The following MICAL3 variants were observed in gnomAD, a reference collection of about 807,000 sequenced individuals.
The protein encoded by MICAL3 is microtubule associated monooxygenase, calponin and LIM domain containing 3.
Under a neutral mutation model 207.4 loss-of-function variants are expected in MICAL3, and 62 were observed. The ratio of observed to expected loss-of-function variants is 0.30; its 90% confidence interval spans 0.24 to 0.37. The LOEUF (loss-of-function observed/expected upper bound fraction) is 0.37, where lower values mean the gene tolerates loss of function less well. Ranked by LOEUF, MICAL3 falls within the 10% of genes least tolerant of loss-of-function variation. MICAL3 has a pLI of 1.00. For synonymous variants in MICAL3, 1,077 were observed against 1,069.3 expected (o/e 1.01, Z -0.14); for missense variants, 2,368 against 2,635.6 (o/e 0.90, Z 2.22).
chr22:17,817,544 C>T lies in MICAL3; in HGVS notation c.5117G>A (p.Arg1706His), dbSNP rs747330184. The change falls in exon 26 of 32, where the codon CGC becomes CAC. Residue 1706 changes from arginine to histidine, a missense_variant. Around this residue, in one of 4 missense-constraint regions of MICAL3, gnomAD observed 1,770 missense variants for 1,863.2 expected, o/e 0.95. Transcript: ENST00000441493. The part of the protein sequence containing the change: ...SKKRSSLFSP[R>H]RNKKEKKSKG... The stretch of plus-strand genomic sequence containing the variant: ...GGACTTCTTCTCCTTCTTGTTTCTG[C>T]GGGGGGAGAAGAGTGACGACCTCTT... The T allele has an allele frequency of 3.3e-5, 54 of 1,613,194 alleles. No individual in the cohort carries two copies. Among genetic ancestry groups the T allele is most frequent in the Middle Eastern group, 3.3e-4 (2 of 6,084 alleles).
At chr22:17,977,866 T>C (rs778438401) in intron 1 of MICAL3, among the ~76,000 whole-genome samples, 4 of 151,600 alleles carry the variant, frequency 2.6e-5, no homozygotes, top group Non-Finnish European at 4.4e-5. Context: ...TCTATAAAAA[T>C]ACAAAATTAG....
chr22:17,943,383 C>T (rs988732613), intron 1 of MICAL3, among the ~76,000 whole-genome samples: 5 of 152,218 alleles, frequency 3.3e-5, no homozygotes, highest in Middle Eastern at 3.4e-3. Context: ...AGGCTGGCCT[C>T]GAACTCCTGA....
At chr22:17,842,511 CTGA>C (rs1924128035) in intron 19 of MICAL3, 1 of 170,368 alleles carries the variant, frequency 5.9e-6, no homozygotes, top group South Asian at 1.6e-4. Flanking sequence ...GGCCAGCTGC[CTGA>C]AGAACGTCTC....
intron 29 of MICAL3, among the ~76,000 whole-genome samples, chr22:17,808,593 C>T (rs990996638): frequency 6.6e-6 from 1 of 152,184 alleles, no homozygotes; most frequent in African/African-American, 2.4e-5. Flanking sequence ...CATCAGCATG[C>T]CGGGGACTGA....
At chr22:17,895,706 C>T (rs1479358080) in intron 9 of MICAL3, among the ~76,000 whole-genome samples, 1 of 152,040 alleles carries the variant, frequency 6.6e-6, no homozygotes, top group Non-Finnish European at 1.5e-5. Context: ...TTTTTTCAAG[C>T]ATCCCAATAT....
intron 1 of MICAL3, chr22:18,001,069 C>T (rs1250001673): frequency 3.3e-5 from 5 of 152,350 alleles, no homozygotes; most frequent in East Asian, 3.9e-4. Context: ...TGCCCCGGAA[C>T]TCAGGACCAG....
intron 19 of MICAL3, chr22:17,861,884 A>G (rs1323214695): frequency 1.0e-6 from 1 of 985,342 alleles, no homozygotes; most frequent in Non-Finnish European, 1.2e-6. Context: ...AAGCCGACCT[A>G]GAGTGGTTCT....
At chr22:17,930,711 T>C (rs1322339596) in intron 1 of MICAL3, among the ~76,000 whole-genome samples, 1 of 152,232 alleles carries the variant, frequency 6.6e-6, no homozygotes, top group East Asian at 1.9e-4. Context: ...AGCTGGGAAC[T>C]GTCTCCCAGG....
intron 1 of MICAL3, among the ~76,000 whole-genome samples, chr22:17,925,694 T>C (rs1380759466): frequency 6.6e-6 from 1 of 152,268 alleles, no homozygotes; most frequent in East Asian, 1.9e-4. Flanking sequence ...TTGAGAATAG[T>C]GCTTCTCAAA....
At chr22:17,860,506 G>C in intron 19 of MICAL3, 1 of 985,458 alleles carries the variant, frequency 1.0e-6, no homozygotes, top group Non-Finnish European at 1.2e-6. Flanking sequence ...TGAACCCCTT[G>C]GTGCCCTGCT....
At chr22:17,840,659 G>C (rs1923919192) in intron 20 of MICAL3, 1 of 152,264 alleles carries the variant, frequency 6.6e-6, no homozygotes, top group African/African-American at 2.4e-5. Context: ...CTCTGCTCAA[G>C]GGTTTATAAA....
Position 17,896,959 on chromosome 22 carries a change from A to G in MICAL3, c.971T>C (p.Leu324Pro). 1 of 1,613,696 alleles carries G rather than the reference A, an allele frequency of 6.2e-7. No homozygotes were observed. The highest frequency in any genetic ancestry group is 8.5e-7 in the Non-Finnish European group (1 of 1,179,798). The part of the protein sequence containing the change: ...ILHDYADTEL[L>P]LSRENVDQEA... ...CTGGTCCACGTTTTCTCGGGAAAGC[A>G]GGAGCTCTGTGTCGGCGTAGTCCTG... Residue 324 changes from leucine to proline, a missense_variant, in exon 8 of 32, where the codon CTG (leucine) becomes CCG (proline). This residue lies in a region of MICAL3 where 400 missense variants were observed against 547.0 expected (regional missense o/e 0.73). Transcript: ENST00000441493.
At position 17,983,010 on chromosome 22, in the gene MICAL3, G is replaced by C. The variant is rs920046355; in HGVS notation, c.-75+41271C>G. On this transcript the variant is annotated intron_variant, in intron 1 of 31. Transcript: ENST00000441493. Reference sequence around the variant, plus strand: ...TCAGAAACGAAGGACCTTGGGCTGAGGCCACAGCCTGGGAATGCCTCTGGG... The same window carrying C: ...TCAGAAACGAAGGACCTTGGGCTGACGCCACAGCCTGGGAATGCCTCTGGG... Among the ~76,000 whole-genome samples the C allele has an allele frequency of 1.8e-4, 27 of 152,258 alleles. 1 individual carries two copies. The highest frequency in any genetic ancestry group is 6.5e-4 in the African/African-American group (27 of 41,562).
At position 17,876,802 on chromosome 22, in the gene MICAL3, TGGAGGTTAG is replaced by T. The variant is rs200084891; in HGVS notation, c.2242-4788_2242-4780del. ...GAGGTTAGGGAGGTTAGGGAAGTTA[TGGAGGTTAG>T]GGAGGTTAGGGAGGTTATGGAGGTT... On this transcript the variant is annotated intron_variant, in intron 16 of 31. Coordinates refer to ENST00000441493, the MANE Select transcript of MICAL3 (RefSeq NM_015241.3). 8.4e-4 allele frequency: 46 copies of T among 54,546 alleles called. 1 individual carries two copies. Among genetic ancestry groups the T allele is most frequent in the Middle Eastern group, 0.015 (1 of 68 alleles). 3.4% of individuals were successfully genotyped at this position (54,546 alleles called of 1,614,324 possible).
chr22:17,925,128 T>C (rs1932887075), intron 1 of MICAL3, among the ~76,000 whole-genome samples: 1 of 151,982 alleles, frequency 6.6e-6, no homozygotes, highest in African/African-American at 2.4e-5. Context: ...TCCTGGTAAA[T>C]ATTCCAACCA....
At chr22:17,962,256 G>GACA (rs5844334) in intron 1 of MICAL3, among the ~76,000 whole-genome samples, 30,267 of 152,000 alleles carry the variant, frequency 0.2, 3,126 homozygotes, top group Middle Eastern at 0.26. Context: ...AAGCAAACAT[G>GACA]TCCTCAACTG....
At chr22:17,831,775 A>G in intron 21 of MICAL3, 79 bp downstream of exon 21, 1 of 1,499,848 alleles carries the variant, frequency 6.7e-7, no homozygotes. Flanking sequence ...CGTCAGCCCC[A>G]GAAACCTCTT....
intron 1 of MICAL3, among the ~76,000 whole-genome samples, chr22:17,993,238 G>A (rs1921893527): frequency 7.0e-6 from 1 of 142,852 alleles, no homozygotes; most frequent in African/African-American, 2.7e-5. Context: ...CAGTGATTAG[G>A]ATTCCCAGAT....
intron 16 of MICAL3, among the ~76,000 whole-genome samples, chr22:17,878,143 G>A (rs1290892493): frequency 4.6e-5 from 7 of 151,384 alleles, no homozygotes; most frequent in Admixed American, 2.0e-4. Flanking sequence ...CTGAGCCACC[G>A]CACCCGGCCT....
Sources: gnomAD v4.1 joint callset for allele counts (sites outside exome capture counted in the v4.1 genomes callset) on GRCh38, gnomAD v4.1.1 for gene constraint, gnomAD v4.1.1 regional missense constraint, MANE v1.5 for transcripts, NCBI Gene and HGNC (gene_info 2026-07-23, HGNC 2026-07-21) for gene names.